The following WDPCP variants were observed in gnomAD, a reference collection of about 807,000 sequenced individuals.
WDPCP encodes the protein WD repeat containing planar cell polarity effector, also known as WD repeat-containing and planar cell polarity effector protein fritz homolog.
WDPCP carries 71 observed loss-of-function variants against 93.1 expected under a neutral mutation model. The observed-to-expected ratio is 0.76, with a 90% CI of 0.63 to 0.93. The LOEUF (loss-of-function observed/expected upper bound fraction) is 0.93. Among genes scored for constraint, WDPCP ranks in the 40% least tolerant of loss-of-function variants. The pLI, the probability that WDPCP is intolerant of heterozygous loss-of-function variation, is 0.00. For synonymous variants in WDPCP, 315 were observed against 315.0 expected, an observed-to-expected ratio of 1.00 and a Z score of 0.00; for missense variants, 844 against 887.4, an observed-to-expected ratio of 0.95 and a Z score of 0.62.
At chr2:63,175,134 A>G (rs995858022) in intron 14 of WDPCP, among the ~76,000 whole-genome samples, 1 of 152,150 alleles carries the variant, frequency 6.6e-6, no homozygotes, top group African/African-American at 2.4e-5. Context: ...TTGTTAGCCA[A>G]TTACTGGAAT....
chr2:63,228,480 G>A (rs1194614760), intron 14 of WDPCP: 3 of 144,256 alleles, frequency 2.1e-5, no homozygotes, highest in Non-Finnish European at 4.5e-5. Context: ...TGTGCACAAC[G>A]TGCAGGTTTG....
At chr2:63,226,369 G>C (rs1198349832) in intron 14 of WDPCP, among the ~76,000 whole-genome samples, 1 of 150,990 alleles carries the variant, frequency 6.6e-6, no homozygotes, top group Non-Finnish European at 1.5e-5. Context: ...TTCTTTGATA[G>C]GAAAAAAAAG....
chr2:63,589,756 C>A (rs547114435), upstream of WDPCP, among the ~76,000 whole-genome samples: 3 of 152,278 alleles, frequency 2.0e-5, no homozygotes, highest in East Asian at 5.8e-4. Flanking sequence ...TAACCTGCAT[C>A]TCCATCGCTT....
intron 13 of WDPCP, among the ~76,000 whole-genome samples, chr2:63,287,000 T>C (rs1559284398): frequency 6.6e-6 from 1 of 152,200 alleles, no homozygotes; most frequent in Non-Finnish European, 1.5e-5. Context: ...AAATTCATTG[T>C]CAAACTGGCA....
At chr2:63,259,716 G>A (rs1249890909) in intron 13 of WDPCP, among the ~76,000 whole-genome samples, 1 of 152,024 alleles carries the variant, frequency 6.6e-6, no homozygotes, top group Non-Finnish European at 1.5e-5. Flanking sequence ...ATTTTTCTTT[G>A]GTAAGACATT....
chr2:63,705,185 CTCTTT>C (rs1431023883), intron 2 of WDPCP, among the ~76,000 whole-genome samples: 2 of 152,152 alleles, frequency 1.3e-5, no homozygotes, highest in East Asian at 1.9e-4. Flanking sequence ...TGATTCTTCT[CTCTTT>C]TCTTCTTTAT....
intron 14 of WDPCP, among the ~76,000 whole-genome samples, chr2:63,187,894 T>C (rs549744708): frequency 5.3e-4 from 81 of 152,382 alleles, no homozygotes; most frequent in South Asian, 2.3e-3. Context: ...TCTAGTAACA[T>C]TGACTAAACA....
chr2:63,659,038 C>T (rs1409574120), intron 2 of WDPCP, among the ~76,000 whole-genome samples: 2 of 152,152 alleles, frequency 1.3e-5, no homozygotes, highest in East Asian at 3.8e-4. Context: ...CTTTGGAAAC[C>T]AGAACTCTTG....
intron 15 of WDPCP, among the ~76,000 whole-genome samples, chr2:63,171,894 T>G (rs184097521): frequency 6.6e-5 from 10 of 152,312 alleles, no homozygotes; most frequent in Non-Finnish European, 8.8e-5. Context: ...TGAGCCTCAG[T>G]AACATAATGC....
In WDPCP at chr2:63,404,104, T is replaced by A. The variant is rs367834809; in HGVS notation, c.1379A>T (p.Asp460Val). 29 of 1,613,954 alleles carry A rather than the reference T, an allele frequency of 1.8e-5. No individual in the cohort carries two copies. The highest frequency in any genetic ancestry group is 2.3e-5 in the Non-Finnish European group (27 of 1,180,004). Residue 460 changes from aspartate to valine, a missense_variant, in exon 10 of 18, where the codon GAT becomes GTT. By Grantham distance (152) the Asp-to-Val change is radical. Transcript: ENST00000272321. Reference sequence around the variant, plus strand: ...TCTTTCAAACCTGAGGAAGAGGAGATCATAGATATCACTACCTTCACCCTT... The same window carrying A: ...TCTTTCAAACCTGAGGAAGAGGAGAACATAGATATCACTACCTTCACCCTT... ...SQKGEGSDIY[D>V]LLFLRFERGP...
chr2:63,306,877 G>A (rs546869718), intron 13 of WDPCP, among the ~76,000 whole-genome samples: 1 of 152,294 alleles, frequency 6.6e-6, no homozygotes, highest in African/African-American at 2.4e-5. Flanking sequence ...ACATAGTGAT[G>A]GAAGTTCTGG....
intron 2 of WDPCP, among the ~76,000 whole-genome samples, chr2:63,730,013 G>A (rs1669537545): frequency 6.6e-6 from 1 of 152,200 alleles, no homozygotes; most frequent in African/African-American, 2.4e-5. Context: ...CCAGGCAGGG[G>A]CATAAGTAGC....
chr2:63,490,132 A>G (rs1700792461), intron 2 of WDPCP, among the ~76,000 whole-genome samples: 1 of 147,658 alleles, frequency 6.8e-6, no homozygotes, highest in South Asian at 2.1e-4. Context: ...CGGAGGATGA[A>G]GAATAACCCA....
intron 10 of WDPCP, among the ~76,000 whole-genome samples, chr2:63,385,678 T>A (rs1241539010): frequency 6.6e-6 from 1 of 151,956 alleles, no homozygotes; most frequent in East Asian, 1.9e-4. Flanking sequence ...TTGTTAAGAA[T>A]CATTCCTCCC....
the WDPCP span, among the ~76,000 whole-genome samples, chr2:63,840,191 C>G: frequency 4.0e-4 from 61 of 152,306 alleles, no homozygotes; most frequent in African/African-American, 1.3e-3. Flanking sequence ...GTCTGAAATG[C>G]ACTCGCTGCC....
intron 12 of WDPCP, among the ~76,000 whole-genome samples, chr2:63,323,857 G>A (rs72896197): frequency 0.037 from 5,690 of 152,156 alleles, 372 homozygotes; most frequent in African/African-American, 0.13. Context: ...TTGCTGCTGC[G>A]TCAGGGAGCA....
At chr2:63,759,309 C>T (rs562240296) in intron 2 of WDPCP, among the ~76,000 whole-genome samples, 5 of 152,134 alleles carry the variant, frequency 3.3e-5, no homozygotes, top group Admixed American at 1.3e-4. Flanking sequence ...CAACCTGTAT[C>T]GGCCTCTGTA....
intron 12 of WDPCP, among the ~76,000 whole-genome samples, chr2:63,340,332 G>A (rs1688748733): frequency 6.6e-6 from 1 of 152,106 alleles, no homozygotes; most frequent in Non-Finnish European, 1.5e-5. Flanking sequence ...CTGTCCAAGG[G>A]ACCTGTGAAA....
intron 2 of WDPCP, among the ~76,000 whole-genome samples, chr2:63,808,643 G>A (rs1420467087): frequency 1.3e-5 from 2 of 152,196 alleles, no homozygotes; most frequent in East Asian, 3.9e-4. Context: ...TTCACTTAGT[G>A]CTCAATGGTG....
Sources: allele counts gnomAD v4.1 joint callset (sites outside exome capture counted in the v4.1 genomes callset), GRCh38; gene constraint gnomAD v4.1.1; transcripts MANE v1.5; gene names NCBI Gene and HGNC (gene_info 2026-07-23, HGNC 2026-07-21).